The following RAPGEF1 variants were observed in gnomAD, a reference collection of about 807,000 sequenced individuals.
RAPGEF1 encodes CRK SH3-binding GNRP.
A neutral mutation model predicts 143.3 loss-of-function variants in RAPGEF1; 33 were observed. The observed-to-expected ratio is 0.23, with a 90% CI of 0.17 to 0.31. The LOEUF is 0.31. Among genes scored for constraint, RAPGEF1 ranks in the 10% least tolerant of loss-of-function variants. The pLI, the probability that RAPGEF1 is intolerant of heterozygous loss-of-function variation, is 1.00. For missense variants in RAPGEF1, 1,199 were observed against 1,645.4 expected (o/e 0.73, Z 4.69); for synonymous variants, 629 against 676.5 (o/e 0.93, Z 1.09).
intron 1 of RAPGEF1, among the ~76,000 whole-genome samples, chr9:131,679,131 C>G (rs529679108): frequency 6.7e-6 from 1 of 149,642 alleles, no homozygotes; most frequent in Admixed American, 6.7e-5. Flanking sequence ...GAAACTCACA[C>G]GAGGAAATCC....
chr9:131,656,124 T>C lies in RAPGEF1; in HGVS notation c.62-5175A>G, dbSNP rs748378639. Among the ~76,000 whole-genome samples, 6 of 152,214 alleles carry C rather than the reference T, an allele frequency of 3.9e-5. No individual in the cohort carries two copies. In the East Asian group the frequency reaches 1.2e-3, roughly 29 times the overall value. On this transcript the variant is annotated intron_variant, in intron 1 of 26. Transcript: ENST00000683357. ...ACCCGCTCAACACAAGGAGCTTGGATGCATAGCAAGGTCGATAGATACCGA... is the reference window on the plus strand; with the variant it reads ...ACCCGCTCAACACAAGGAGCTTGGACGCATAGCAAGGTCGATAGATACCGA...
At chr9:131,614,756 G>A (rs1958643964) in intron 12 of RAPGEF1, among the ~76,000 whole-genome samples, 1 of 152,206 alleles carries the variant, frequency 6.6e-6, no homozygotes, top group Admixed American at 6.5e-5. Flanking sequence ...CCCAGAATGG[G>A]ATGCCAGCTG....
intron 22 of RAPGEF1, among the ~76,000 whole-genome samples, chr9:131,585,396 G>GT (rs1271100478): frequency 6.6e-6 from 1 of 152,076 alleles, no homozygotes; most frequent in Non-Finnish European, 1.5e-5. Flanking sequence ...GTCCAGGCTG[G>GT]TCTCGAACTC....
At chr9:131,633,882 G>C (rs1965621605) in intron 5 of RAPGEF1, among the ~76,000 whole-genome samples, 1 of 152,288 alleles carries the variant, frequency 6.6e-6, no homozygotes, top group African/African-American at 2.4e-5. Flanking sequence ...TTTATAATTT[G>C]GCATGAGCCC....
chr9:131,709,960 C>T, intron 1 of RAPGEF1: 1 of 985,246 alleles, frequency 1.0e-6, no homozygotes, highest in Non-Finnish European at 1.2e-6. Flanking sequence ...TATTAAGAAG[C>T]TCTTTCCTCA....
chr9:131,649,587 G>T (rs945025434), intron 3 of RAPGEF1, among the ~76,000 whole-genome samples: 2 of 152,002 alleles, frequency 1.3e-5, no homozygotes, highest in African/African-American at 4.8e-5. Flanking sequence ...CACACATCAG[G>T]GTTGCTATGA....
chr9:131,604,092 G>A (rs1034501808), intron 13 of RAPGEF1, 39 bp from the exon 14 acceptor site: 115 of 1,253,366 alleles, frequency 9.2e-5, no homozygotes, highest in Non-Finnish European at 1.2e-4. Context: ...ACATGGGCCA[G>A]GCCCTCCAGC....
At chr9:131,705,857 T>G (rs1835013141) in intron 1 of RAPGEF1, among the ~76,000 whole-genome samples, 2 of 152,174 alleles carry the variant, frequency 1.3e-5, no homozygotes. Context: ...TTTTTCACAC[T>G]AGTGTTCTGC....
At chr9:131,598,614 G>A (rs917269159) in intron 15 of RAPGEF1, 5 of 510,672 alleles carry the variant, frequency 9.8e-6, no homozygotes, top group Middle Eastern at 2.9e-4. Context: ...AAGGCCCACC[G>A]CACAGTTAGC....
At chr9:131,695,223 A>G (rs1457357019) in intron 1 of RAPGEF1, among the ~76,000 whole-genome samples, 3 of 152,142 alleles carry the variant, frequency 2.0e-5, no homozygotes, top group Non-Finnish European at 4.4e-5. Flanking sequence ...CATAATTCGG[A>G]AGCACACAGG....
chr9:131,605,101 A>G lies in RAPGEF1; in HGVS notation c.2149T>C (p.Ser717Pro), dbSNP rs1956899235. The change falls in exon 13 of 27, where the codon TCC (serine) becomes CCC (proline). Residue 717 changes from serine to proline, a missense_variant. Coordinates refer to ENST00000683357, the MANE Select transcript of RAPGEF1 (RefSeq NM_001377935.1). ...VPPFLPPTSS[S>P]SPHFPPAHQS... ...TGGGCAGGTGGGAAATGTGGAGAGG[A>G]AGAGGAGGTAGGCGGAAGGAAAGGC... 1.5e-6 allele frequency: 2 copies of G among 1,364,932 alleles called. No homozygotes were observed. Among genetic ancestry groups the G allele is most frequent in the Middle Eastern group, 2.1e-4 (1 of 4,764 alleles). 84.6% of individuals were successfully genotyped at this position (1,364,932 alleles called of 1,614,324 possible). A position where few individuals can be genotyped will look rare whatever the true frequency, so the allele number is the denominator to read the frequency against.
chr9:131,685,249 G>A (rs770991196), intron 1 of RAPGEF1, among the ~76,000 whole-genome samples: 16 of 152,028 alleles, frequency 1.1e-4, no homozygotes, highest in Non-Finnish European at 1.6e-4. Context: ...GTAGCTCACC[G>A]CGACAAAGCT....
At chr9:131,709,623 G>A (rs1407743799) in intron 1 of RAPGEF1, 1 of 1,613,398 alleles carries the variant, frequency 6.2e-7, no homozygotes, top group Non-Finnish European at 8.5e-7. Flanking sequence ...TTCTTACCTT[G>A]TTTCCAGGGG....
At chr9:131,647,627 C>T (rs1300109540) in intron 3 of RAPGEF1, among the ~76,000 whole-genome samples, 2 of 152,208 alleles carry the variant, frequency 1.3e-5, no homozygotes, top group African/African-American at 4.8e-5. Flanking sequence ...TCCTCTAAGT[C>T]CACGTACTCT....
chr9:131,589,721 T>TCC (rs1953866316), intron 19 of RAPGEF1, among the ~76,000 whole-genome samples, 165 bp downstream of exon 19: 1 of 152,114 alleles, frequency 6.6e-6, no homozygotes, highest in Admixed American at 6.5e-5. Context: ...GAGAGACACC[T>TCC]CACCCATCTC....
chr9:131,588,147 G>A (rs1316619214), intron 20 of RAPGEF1, 121 bp from the exon 21 acceptor site: 3 of 858,900 alleles, frequency 3.5e-6, no homozygotes, highest in Admixed American at 2.2e-5. Context: ...GAGCGTGGAG[G>A]CTACAGGGCG....
intron 1 of RAPGEF1, among the ~76,000 whole-genome samples, chr9:131,737,212 T>C (rs2131368724): frequency 6.6e-6 from 1 of 152,328 alleles, no homozygotes; most frequent in East Asian, 1.9e-4. Flanking sequence ...TCAGAACTCT[T>C]ACTTTTTCTG....
Position 131,589,900 on chromosome 9 carries a change from C to T in RAPGEF1, c.2853G>A (p.Val951=). The T allele has an allele frequency of 6.2e-7, 1 of 1,613,816 alleles. No homozygotes were observed. The highest frequency in any genetic ancestry group is 1.1e-5 in the South Asian group (1 of 91,078). ...GAAGCACTCACCAGAGCTCATCCAC[C>T]ACCCGTACCAGCACGAAGAACGTGT... ...SKNTFFVLVR[V]VDELCLVELT... Residue 951 remains valine, a synonymous_variant, in exon 19 of 27, where the codon GTG becomes GTA. Transcript: ENST00000683357.
chr9:131,733,370 G>T (rs1160602244), intron 1 of RAPGEF1, among the ~76,000 whole-genome samples: 12 of 133,690 alleles, frequency 9.0e-5, no homozygotes, highest in Non-Finnish European at 2.0e-4. Flanking sequence ...GGGGGCGGGG[G>T]GGGGGGTGGT....
Sources: gnomAD v4.1 joint callset for allele counts (sites outside exome capture counted in the v4.1 genomes callset) on GRCh38, gnomAD v4.1.1 for gene constraint, MANE v1.5 for transcripts, NCBI Gene and HGNC (gene_info 2026-07-23, HGNC 2026-07-21) for gene names.